Variants in B4GALNT1 observed in about 807,000 individuals in gnomAD.
The protein encoded by B4GALNT1 is beta-1,4-N-acetyl-galactosaminyltransferase 1, also known as beta-1,4 N-acetylgalactosaminyltransferase 1.
B4GALNT1 carries 43 observed loss-of-function variants against 55.2 expected under a neutral mutation model. The ratio of observed to expected loss-of-function variants is 0.78; its 90% CI spans 0.61 to 1.00. B4GALNT1 has a LOEUF of 1.00. Among genes scored for constraint, B4GALNT1 ranks in the 50% least tolerant of loss-of-function variants. The pLI is 0.00. For synonymous variants in B4GALNT1, 305 were observed against 311.6 expected (o/e 0.98, Z 0.22); for missense variants, 664 against 729.7 (o/e 0.91, Z 1.04).
rs1884752245 is a variant in B4GALNT1 at position 57,625,556 on chromosome 12, C to T, written c.*1188G>A. On this transcript the variant is annotated 3_prime_UTR_variant, in exon 11 of 11. Transcript: ENST00000341156. ...AGGACCCGGTGTGGACTTAGGGTCTCAGAGTCTGACACCCTCCCCACATAG... is the reference window on the plus strand; with the variant it reads ...AGGACCCGGTGTGGACTTAGGGTCTTAGAGTCTGACACCCTCCCCACATAG... The T allele has an allele frequency of 6.2e-7, 1 of 1,607,362 alleles. No homozygotes were observed. The highest frequency in any genetic ancestry group is 2.2e-5 in the East Asian group (1 of 44,802).
At position 57,625,340 on chromosome 12, in the gene B4GALNT1, G is replaced by A. The variant is rs1884731427; in HGVS notation, c.*1404C>T. ...GCAGGTGAGGGAGAGGGTAGGTTGA[G>A]GAGAAACCCCTTAGCATCTCACTCA... On this transcript the variant is annotated 3_prime_UTR_variant, in exon 11 of 11. Coordinates refer to ENST00000341156, the MANE Select transcript of B4GALNT1 (RefSeq NM_001478.5). 1.2e-6 allele frequency: 2 copies of A among 1,614,062 alleles called. No individual in the cohort carries two copies. The highest frequency in any genetic ancestry group is 3.3e-5 in the Admixed American group (2 of 60,012).
Position 57,625,112 on chromosome 12 carries a change from T to A in B4GALNT1, c.*1632A>T, listed in dbSNP as rs368172507. The A allele has an allele frequency of 6.2e-7, 1 of 1,614,068 alleles. No individual in the cohort carries two copies. Among genetic ancestry groups the A allele is most frequent in the Non-Finnish European group, 8.5e-7 (1 of 1,179,978 alleles). ...GTTTCGGGAGTGGTGACTGCCCTTC[T>A]TTACTTATAGGAGACTTCAAAGCCA... On this transcript the variant is annotated 3_prime_UTR_variant, in exon 11 of 11. Transcript: ENST00000341156.
rs1375000373 is a variant in B4GALNT1 at position 57,623,959 on chromosome 12, A to G, written c.*2785T>C. 1.2e-5 allele frequency: 20 copies of G among 1,613,140 alleles called. No individual in the cohort carries two copies. Among genetic ancestry groups the G allele is most frequent in the Non-Finnish European group, 1.6e-5 (19 of 1,179,572 alleles). ...GAGCATGGCTGGGAGGGGTAGCTGT[A>G]TTCCAGGACATCGAGGTAGTCAGCC... On this transcript the variant is annotated 3_prime_UTR_variant, in exon 11 of 11. Transcript: ENST00000341156.
chr12:57,625,148 T>C lies in B4GALNT1; in HGVS notation c.*1596A>G. 6.2e-7 allele frequency: 1 copy of C among 1,613,984 alleles called. No individual in the cohort carries two copies. Among genetic ancestry groups the C allele is most frequent in the Non-Finnish European group, 8.5e-7 (1 of 1,179,968 alleles). On this transcript the variant is annotated 3_prime_UTR_variant, in exon 11 of 11. Transcript: ENST00000341156. ...GAGACTTCAAAGCCAGATGGCCCAA[T>C]GGTTGCAGGTGAGATGGGGTGACAA...
In B4GALNT1 at chr12:57,630,305, A is replaced by T; in HGVS notation, c.559T>A (p.Trp187Arg). ...CCAGTCACTTCCCCTGCCACGTCCC[A>T]GGTGCCTAGGGAGGCAGTCAGGTTC... ...QVNLTASLGT[W>R]DVAGEVTGVT... The change falls in exon 6 of 11, where the codon TGG becomes AGG. Residue 187 changes from tryptophan to arginine, a missense_variant. Physicochemically the swap from Trp to Arg is moderately radical, Grantham distance 101 (BLOSUM62 -3). Transcript: ENST00000341156. 6.2e-7 allele frequency: 1 copy of T among 1,614,124 alleles called. No individual in the cohort carries two copies. Among genetic ancestry groups the T allele is most frequent in the Non-Finnish European group, 8.5e-7 (1 of 1,179,986 alleles).
chr12:57,628,571 A>G, intron 8 of B4GALNT1, 142 bp downstream of exon 8: 1 of 1,076,670 alleles, frequency 9.3e-7, no homozygotes, highest in East Asian at 2.6e-5. Flanking sequence ...CGAAGCTTAC[A>G]TTCCAGGAAT....
At position 57,629,052 on chromosome 12, in the gene B4GALNT1, C is replaced by G. The variant is rs2140246556; in HGVS notation, c.807G>C (p.Gln269His). Reference sequence around the variant, plus strand: ...CCCTGCCCCTACCAGCCTCACCTCCCTGGGGTAGAGACCCAGGTGGGTACA... The same window carrying G: ...CCCTGCCCCTACCAGCCTCACCTCCGTGGGGTAGAGACCCAGGTGGGTACA... ...PRLYPPGSLP[Q>H]GAQYNISALV... The change falls in exon 7 of 11, where the codon CAG becomes CAC. Residue 269 changes from glutamine (Q) to histidine (H), a missense_variant. Physicochemically the swap from Gln to His is conservative, Grantham distance 24 (BLOSUM62 0). Coordinates refer to ENST00000341156, the MANE Select transcript of B4GALNT1 (RefSeq NM_001478.5). The G allele has an allele frequency of 1.9e-6, 3 of 1,585,380 alleles. No individual in the cohort carries two copies. In the Admixed American group the frequency reaches 5.1e-5, roughly 27 times the overall value.
intron 8 of B4GALNT1, 123 bp downstream of exon 8, chr12:57,628,590 T>A: frequency 2.4e-6 from 3 of 1,227,298 alleles, no homozygotes; most frequent in Non-Finnish European, 3.4e-6. Context: ...ATCCTCATGC[T>A]TAACAGGCAC....
Position 57,626,501 on chromosome 12 carries a change from G to A in B4GALNT1, c.*243C>T, listed in dbSNP as rs1174168506. 3.3e-5 allele frequency: 18 copies of A among 553,590 alleles called. No individual in the cohort carries two copies. The highest frequency in any genetic ancestry group is 5.5e-5 in the Non-Finnish European group (17 of 308,026). 34.3% of individuals were successfully genotyped at this position (553,590 alleles called of 1,614,324 possible). On this transcript the variant is annotated 3_prime_UTR_variant, in exon 11 of 11. Coordinates refer to ENST00000341156, the MANE Select transcript of B4GALNT1 (RefSeq NM_001478.5). ...TTCCTGCCCCATGAGAATGGGCAGG[G>A]GGAGGACTTGGCACTGGCTGTGGGA...
Position 57,623,996 on chromosome 12 carries a change from C to T in B4GALNT1, c.*2748G>A. Reference sequence around the variant, plus strand: ...CGAGGTAGTCAGCCCACCTCCTCTGCCTCAAGGCTGTCCTGGCTTGCATCA... The same window carrying T: ...CGAGGTAGTCAGCCCACCTCCTCTGTCTCAAGGCTGTCCTGGCTTGCATCA... On this transcript the variant is annotated 3_prime_UTR_variant, in exon 11 of 11. Transcript: ENST00000341156. The T allele has an allele frequency of 6.2e-7, 1 of 1,611,702 alleles. No homozygotes were observed. Among genetic ancestry groups the T allele is most frequent in the Non-Finnish European group, 8.5e-7 (1 of 1,178,626 alleles).
intron 4 of B4GALNT1, among the ~76,000 whole-genome samples, 184 bp from the exon 5 acceptor site, chr12:57,630,702 G>T (rs752726562): frequency 1.2e-4 from 19 of 152,216 alleles, no homozygotes; most frequent in Admixed American, 2.0e-4. Context: ...TCCCGTCAAA[G>T]CTTGCCCTAT....
chr12:57,632,692 GCGCCTCCTCC>G (rs564732562), intron 1 of B4GALNT1, 70 bp downstream of exon 1: 25 of 172,228 alleles, frequency 1.5e-4, no homozygotes, highest in Middle Eastern at 2.5e-3. Flanking sequence ...ACCGGGAAGC[GCGCCTCCTCC>G]CGCCTCCTCC....
chr12:57,625,142 G>C lies in B4GALNT1; in HGVS notation c.*1602C>G. 1.2e-6 allele frequency: 2 copies of C among 1,614,064 alleles called. No individual in the cohort carries two copies. The highest frequency in any genetic ancestry group is 1.1e-5 in the South Asian group (1 of 91,078). ...TTATAGGAGACTTCAAAGCCAGATGGCCCAATGGTTGCAGGTGAGATGGGG... is the reference window on the plus strand; with the variant it reads ...TTATAGGAGACTTCAAAGCCAGATGCCCCAATGGTTGCAGGTGAGATGGGG... On this transcript the variant is annotated 3_prime_UTR_variant, in exon 11 of 11. Coordinates refer to ENST00000341156, the MANE Select transcript of B4GALNT1 (RefSeq NM_001478.5).
In B4GALNT1 at chr12:57,625,431, G is replaced by A. The variant is rs1884740381; in HGVS notation, c.*1313C>T. ...GCAGCTGGCCAGCCGATGTCGAGAT[G>A]CTAGGATCCGCCTCCTCCTGGCTCA... On this transcript the variant is annotated 3_prime_UTR_variant, in exon 11 of 11. Transcript: ENST00000341156. The A allele has an allele frequency of 6.2e-7, 1 of 1,614,086 alleles. No individual in the cohort carries two copies. The highest frequency in any genetic ancestry group is 1.7e-5 in the Admixed American group (1 of 60,008).
At position 57,623,689 on chromosome 12, in the gene B4GALNT1, G is replaced by C. The variant is rs1039261991; in HGVS notation, c.*3055C>G. ...GCGGGAGGGTTAGATGTGAATGGCA[G>C]AATATTAAGAAGGGGGTTGTGTGGA... On this transcript the variant is annotated 3_prime_UTR_variant, in exon 11 of 11. Transcript: ENST00000341156. 6 of 653,614 alleles carry C rather than the reference G, an allele frequency of 9.2e-6. No homozygotes were observed. The highest frequency in any genetic ancestry group is 3.6e-5 in the African/African-American group (2 of 55,326). The allele number at this position is 653,614 out of a possible 1,614,324, so 40.5% of individuals were successfully genotyped here.
Position 57,628,955 on chromosome 12 carries a change from G to A in B4GALNT1, c.812-52C>T, listed in dbSNP as rs774618437. ...GCAGACAAGGAGGGTTGGGAGAGGG[G>A]AACAGGTAGATATCCCCTCCCAGGA... On this transcript the variant is annotated intron_variant, in intron 7 of 10. Coordinates refer to ENST00000341156, the MANE Select transcript of B4GALNT1 (RefSeq NM_001478.5). 10 of 1,608,302 alleles carry A rather than the reference G, an allele frequency of 6.2e-6. No individual in the cohort carries two copies. The East Asian group carries it at 1.3e-4, about 22-fold the overall frequency.
At chr12:57,630,012 G>C in intron 6 of B4GALNT1, 140 bp downstream of exon 6, 1 of 1,557,858 alleles carries the variant, frequency 6.4e-7, no homozygotes, top group Non-Finnish European at 8.7e-7. Flanking sequence ...TGCTGGTCCA[G>C]TTGAAGCACC....
At chr12:57,631,169 G>A in intron 3 of B4GALNT1, 31 bp downstream of exon 3, 1 of 1,613,874 alleles carries the variant, frequency 6.2e-7, no homozygotes, top group Non-Finnish European at 8.5e-7. Context: ...CTCTCCCCCT[G>A]AGGAGTCATG....
chr12:57,632,320 C>A, intron 1 of B4GALNT1, 187 bp from the exon 2 acceptor site: 2 of 707,742 alleles, frequency 2.8e-6, no homozygotes, highest in South Asian at 1.5e-5. Flanking sequence ...ACTTCCCAGG[C>A]CCCAGGGTCT....
Sources: gnomAD v4.1 joint callset for allele counts (sites outside exome capture counted in the v4.1 genomes callset) on GRCh38, gnomAD v4.1.1 for gene constraint, MANE v1.5 for transcripts, NCBI Gene and HGNC (gene_info 2026-07-23, HGNC 2026-07-21) for gene names.